AKAP9: variants seen among roughly 807,000 people sequenced by gnomAD.
AKAP9 encodes the protein A-kinase anchoring protein 9.
AKAP9 carries 311 observed loss-of-function variants against 488.5 expected under a neutral mutation model. The ratio of observed to expected loss-of-function variants is 0.64; its 90% CI spans 0.58 to 0.70. The LOEUF (loss-of-function observed/expected upper bound fraction) is 0.70. AKAP9 is among the 30% of genes least tolerant of loss of function. AKAP9 has a pLI of 0.00. For synonymous variants in AKAP9, 1,462 were observed against 1,483.5 expected, an observed-to-expected ratio of 0.99 and a Z score of 0.33; for missense variants, 4,215 against 4,374.5, an observed-to-expected ratio of 0.96 and a Z score of 1.03.
intron 8 of AKAP9, among the ~76,000 whole-genome samples, chr7:92,007,559 G>C (rs1440955147): frequency 2.6e-5 from 4 of 152,100 alleles, no homozygotes; most frequent in African/African-American, 9.7e-5. Context: ...CTTTAATGAA[G>C]GATAGGAGGC....
At chr7:92,071,162 TA>T (rs1483329096) in intron 28 of AKAP9, among the ~76,000 whole-genome samples, 153 bp downstream of exon 28, 1 of 152,150 alleles carries the variant, frequency 6.6e-6, no homozygotes, top group South Asian at 2.1e-4. Context: ...TTGAAGGCAG[TA>T]AACATATGAG....
At chr7:92,018,041 A>G (rs912109588) in intron 12 of AKAP9, among the ~76,000 whole-genome samples, 2 of 152,226 alleles carry the variant, frequency 1.3e-5, no homozygotes, top group African/African-American at 2.4e-5. Context: ...AAATGCCTAC[A>G]TTAACTTAGC....
chr7:92,025,111 A>G (rs112726000), intron 14 of AKAP9, among the ~76,000 whole-genome samples: 1,848 of 152,322 alleles, frequency 0.012, 36 homozygotes, highest in African/African-American at 0.041. Context: ...GAGGCACGGA[A>G]CCCATAGATT....
intron 12 of AKAP9, among the ~76,000 whole-genome samples, chr7:92,019,210 C>T (rs777468238): frequency 5.9e-5 from 9 of 151,618 alleles, no homozygotes; most frequent in South Asian, 4.2e-4. Context: ...GGCGTGATCT[C>T]GGCTCACTGC....
chr7:92,098,809 A>G lies in AKAP9; in HGVS notation c.10713+595A>G, dbSNP rs371200642. 1.5e-3 allele frequency among the ~76,000 whole-genome samples: 234 copies of G among 152,328 alleles called. No individual in the cohort carries two copies. In the Middle Eastern group the frequency reaches 0.027, roughly 18 times the overall value. ...TTTATTAAACAAATACTTATATTGA[A>G]CACTTATTCTGTGCCAGATAGGTTC... On this transcript the variant is annotated intron_variant, in intron 43 of 49. Transcript: ENST00000356239.
chr7:91,944,742 CAT>C (rs1418696375), intron 1 of AKAP9, among the ~76,000 whole-genome samples: 2 of 152,174 alleles, frequency 1.3e-5, no homozygotes, highest in Non-Finnish European at 2.9e-5. Flanking sequence ...ATATTAAACA[CAT>C]GTTATAGTGT....
intron 7 of AKAP9, among the ~76,000 whole-genome samples, chr7:92,000,402 A>G (rs1267497219): frequency 6.6e-6 from 1 of 152,216 alleles, no homozygotes; most frequent in Non-Finnish European, 1.5e-5. Flanking sequence ...CATGACACAC[A>G]TTGAAGTCAC....
intron 42 of AKAP9, 79 bp downstream of exon 42, chr7:92,097,873 A>C: frequency 7.1e-7 from 1 of 1,399,316 alleles, no homozygotes; most frequent in East Asian, 2.3e-5. Context: ...ACAGCTAGCC[A>C]AGGGTGGGGA....
At position 91,963,916 on chromosome 7, in the gene AKAP9, G is replaced by A. The variant is rs999046222; in HGVS notation, c.49-9795G>A. Among the ~76,000 whole-genome samples, 3 of 152,030 alleles carry A rather than the reference G, an allele frequency of 2.0e-5. No individual in the cohort carries two copies. The East Asian group carries it at 5.8e-4, about 29-fold the overall frequency. On this transcript the variant is annotated intron_variant, in intron 1 of 49. Coordinates refer to ENST00000356239, the MANE Select transcript of AKAP9 (RefSeq NM_005751.5). ...ATTGTTGTAACTGGTCTAATTAATA[G>A]TTATATTAATACTAGTAGTATATTT...
chr7:91,992,720 A>T (rs1409935218), intron 4 of AKAP9, among the ~76,000 whole-genome samples, 165 bp from the exon 5 acceptor site: 1 of 150,780 alleles, frequency 6.6e-6, no homozygotes, highest in African/African-American at 2.4e-5. Flanking sequence ...TAACCTGTTT[A>T]TGTTCTTGAG....
chr7:92,097,483 A>G (rs543296257), intron 41 of AKAP9, 103 bp from the exon 42 acceptor site: 1 of 1,498,142 alleles, frequency 6.7e-7, no homozygotes, highest in African/African-American at 1.4e-5. Context: ...TGAAATCTAT[A>G]GAAGTTTATT....
intron 14 of AKAP9, among the ~76,000 whole-genome samples, chr7:92,025,497 C>G (rs1261019018): frequency 2.0e-5 from 3 of 152,172 alleles, no homozygotes; most frequent in Admixed American, 6.5e-5. Flanking sequence ...TTGGACATGA[C>G]TGTAACACAT....
At position 92,045,094 on chromosome 7, in the gene AKAP9, G is replaced by C; in HGVS notation, c.5249G>C (p.Gly1750Ala). 6.2e-7 allele frequency: 1 copy of C among 1,613,400 alleles called. No individual in the cohort carries two copies. The highest frequency in any genetic ancestry group is 8.5e-7 in the Non-Finnish European group (1 of 1,179,846). The change falls in exon 21 of 50, where the codon GGT becomes GCT. Residue 1750 changes from glycine (G) to alanine (A), a missense_variant. By Grantham distance (60) the Gly-to-Ala change is moderately conservative (BLOSUM62 0). Around this residue, in one of 5 missense-constraint regions of AKAP9, gnomAD observed 2,361 missense variants for 2,430.0 expected, o/e 0.97. Coordinates refer to ENST00000356239, the MANE Select transcript of AKAP9 (RefSeq NM_005751.5). Reference sequence around the variant, plus strand: ...ACAGCAGCTGTTGAAGAAACAATTGGTCGCCATGTCCTTGGGATTCTAGAT... The same window carrying C: ...ACAGCAGCTGTTGAAGAAACAATTGCTCGCCATGTCCTTGGGATTCTAGAT... Reference protein sequence around the residue: ...KTTAAVEETIGRHVLGILDRS... With the variant: ...KTTAAVEETIARHVLGILDRS...
rs1324123085 is a variant in AKAP9, at chr7:91,992,909, T to C, written c.430T>C (p.Ser144Pro). 6.2e-7 allele frequency: 1 copy of C among 1,613,894 alleles called. No homozygotes were observed. The highest frequency in any genetic ancestry group is 8.5e-7 in the Non-Finnish European group (1 of 1,179,952). The change falls in exon 5 of 50, where the codon TCT (serine) becomes CCT (proline). Residue 144 changes from serine to proline, a missense_variant. Ser to Pro is a moderately conservative substitution (Grantham distance 74). Coordinates refer to ENST00000356239, the MANE Select transcript of AKAP9 (RefSeq NM_005751.5). Reference sequence around the variant, plus strand: ...GGAAGAAGAATTTGGTGTTGATGATTCTTATTCTGAACAAGGAGCACAAGA... The same window carrying C: ...GGAAGAAGAATTTGGTGTTGATGATCCTTATTCTGAACAAGGAGCACAAGA... ...LREEEFGVDD[S>P]YSEQGAQDSP...
chr7:91,942,992 G>T (rs778847012), intron 1 of AKAP9, among the ~76,000 whole-genome samples: 2 of 151,388 alleles, frequency 1.3e-5, no homozygotes, highest in African/African-American at 2.4e-5. Flanking sequence ...AGGAGTTCAA[G>T]ACCAACCTGG....
In AKAP9 at chr7:92,012,335, A is replaced by C. The variant is rs1043864627; in HGVS notation, c.3319-94A>C. On this transcript the variant is annotated intron_variant, in intron 8 of 49. Transcript: ENST00000356239. The stretch of plus-strand genomic sequence containing the variant: ...TAGACTTCAGTTCTCATGAATTTTT[A>C]AACTCTTGTAGTCAGTATATGCAAA... 7.4e-5 allele frequency: 84 copies of C among 1,130,380 alleles called. 1 individual carries two copies. The highest frequency in any genetic ancestry group is 1.0e-4 in the Non-Finnish European group (80 of 790,110). 70.0% of individuals were successfully genotyped at this position (1,130,380 alleles called of 1,614,324 possible).
intron 22 of AKAP9, among the ~76,000 whole-genome samples, chr7:92,059,581 G>C (rs1809387800): frequency 6.6e-6 from 1 of 151,512 alleles, no homozygotes; most frequent in South Asian, 2.1e-4. Flanking sequence ...CCTAAAGCAA[G>C]CATTTATTTT....
chr7:92,084,845 A>C lies in AKAP9; in HGVS notation c.8737A>C (p.Ile2913Leu). ...SDSGSDWGQGIYLTHSQGFDI... is the reference protein window; with the variant it reads ...SDSGSDWGQGLYLTHSQGFDI... ...TTCTGGATCAGACTGGGGTCAGGGA[A>C]TTTATCTTACACACAGTCAGGGATT... Residue 2913 changes from isoleucine to leucine, a missense_variant, in exon 35 of 50, where the codon ATT becomes CTT. By Grantham distance (5) the Ile-to-Leu change is conservative. Around this residue, in one of 5 missense-constraint regions of AKAP9, gnomAD observed 1,476 missense variants for 1,477.4 expected, o/e 1.00. Transcript: ENST00000356239. The C allele has an allele frequency of 1.2e-6, 2 of 1,613,490 alleles. No individual in the cohort carries two copies. The highest frequency in any genetic ancestry group is 1.7e-6 in the Non-Finnish European group (2 of 1,179,694).
At position 92,002,942 on chromosome 7, in the gene AKAP9, G is replaced by A. The variant is rs1461112583; in HGVS notation, c.3025G>A (p.Val1009Ile). 1 of 1,612,146 alleles carries A rather than the reference G, an allele frequency of 6.2e-7. No individual in the cohort carries two copies. The highest frequency in any genetic ancestry group is 1.1e-5 in the South Asian group (1 of 90,584). ...TATTAACCACAACAGGGCAGAAAAT[G>A]TACAGTCATGTGATACTCAAGTAAG... is the stretch of plus-strand genomic sequence containing the variant. ...IIINHNRAEN[V>I]QSCDTQVSSL... The change falls in exon 8 of 50, where the codon GTA becomes ATA. Residue 1009 changes from valine to isoleucine, a missense_variant. Around this residue, in one of 5 missense-constraint regions of AKAP9, gnomAD observed 2,361 missense variants for 2,430.0 expected, o/e 0.97. Transcript: ENST00000356239.
Sources: allele counts gnomAD v4.1 joint callset (sites outside exome capture counted in the v4.1 genomes callset), GRCh38; gene constraint gnomAD v4.1.1; regional missense constraint gnomAD v4.1.1; transcripts MANE v1.5; gene names NCBI Gene and HGNC (gene_info 2026-07-23, HGNC 2026-07-21).